The following ZDHHC20 variants were observed in gnomAD, a reference collection of about 807,000 sequenced individuals.
The protein encoded by ZDHHC20 is zDHHC palmitoyltransferase 20.
A neutral mutation model predicts 57.8 loss-of-function variants in ZDHHC20; 43 were observed. That is an observed-to-expected ratio of 0.74 (90% CI 0.58 to 0.96). The LOEUF is 0.96. ZDHHC20 is among the 40% of genes least tolerant of loss of function. The probability of loss-of-function intolerance (pLI) is 0.00; values close to 1 mark genes in which losing one functional copy is unlikely to be tolerated. For missense variants in ZDHHC20, 391 were observed against 441.1 expected, an observed-to-expected ratio of 0.89 and a Z score of 1.02; for synonymous variants, 157 against 153.0, an observed-to-expected ratio of 1.03 and a Z score of -0.19.
chr13:21,458,457 T>C (rs1037809865), intron 1 of ZDHHC20, among the ~76,000 whole-genome samples: 2 of 152,056 alleles, frequency 1.3e-5, no homozygotes, highest in African/African-American at 4.8e-5. Context: ...AGAGTAGAAA[T>C]AAACGAATTT....
At chr13:21,379,941 G>A (rs1427493376) in intron 11 of ZDHHC20, among the ~76,000 whole-genome samples, 2 of 149,954 alleles carry the variant, frequency 1.3e-5, no homozygotes, top group East Asian at 2.0e-4. Context: ...TCAGCCTCCC[G>A]AGTAGCTGGG....
intron 5 of ZDHHC20, among the ~76,000 whole-genome samples, 155 bp downstream of exon 5, chr13:21,402,642 C>T (rs1328911260): frequency 6.6e-6 from 1 of 152,136 alleles, no homozygotes; most frequent in African/African-American, 2.4e-5. Flanking sequence ...CAGCTTTTAT[C>T]AATATTTTTG....
At position 21,421,097 on chromosome 13, in the gene ZDHHC20, C is replaced by A; in HGVS notation, c.213G>T (p.Met71Ile). ...GGGAAGCGGGAGATGTGAAAATTGT[C>A]ATCCAATAGGACCATACAAACATAA... ...FFVMFVWSYW[M>I]TIFTSPASPS... The change falls in exon 3 of 13, where the codon ATG becomes ATT. Residue 71 changes from methionine (M) to isoleucine (I), a missense_variant. By Grantham distance (10) the Met-to-Ile change is conservative. Coordinates refer to ENST00000400590, the MANE Select transcript of ZDHHC20 (RefSeq NM_001330059.2). 2 of 1,613,134 alleles carry A rather than the reference C, an allele frequency of 1.2e-6. No individual in the cohort carries two copies. Among genetic ancestry groups the A allele is most frequent in the South Asian group, 2.2e-5 (2 of 91,012 alleles).
At position 21,459,050 on chromosome 13, in the gene ZDHHC20, TCA is replaced by T; in HGVS notation, c.118+2_118+3del. The T allele has an allele frequency of 6.3e-7, 1 of 1,590,472 alleles. No homozygotes were observed. ...CCGCCGCAGTCCCCGGGGACGGTAC[TCA>T]CACACGCAGAGCTCCACCACGTACG... On this transcript the variant is annotated splice_donor_variant and splice_donor_region_variant and intron_variant, in intron 1 of 12. Transcript: ENST00000400590. LOFTEE classifies it high-confidence loss of function.
chr13:21,376,521 G>C lies in ZDHHC20; in HGVS notation c.*175C>G. ...CATTCTGCTCTGGAGTAGTGCTTCTGTGAATCCCAGGAACTGTACAAAGGC... is the reference window on the plus strand; with the variant it reads ...CATTCTGCTCTGGAGTAGTGCTTCTCTGAATCCCAGGAACTGTACAAAGGC... On this transcript the variant is annotated 3_prime_UTR_variant, in exon 13 of 13. Transcript: ENST00000400590. 1.7e-6 allele frequency: 1 copy of C among 598,036 alleles called. No individual in the cohort carries two copies. The highest frequency in any genetic ancestry group is 2.6e-6 in the Non-Finnish European group (1 of 378,874). 37.0% of individuals were successfully genotyped at this position (598,036 alleles called of 1,614,324 possible).
At chr13:21,398,132 G>C (rs1343552524) in intron 7 of ZDHHC20, among the ~76,000 whole-genome samples, 1 of 152,004 alleles carries the variant, frequency 6.6e-6, no homozygotes, top group Non-Finnish European at 1.5e-5. Context: ...AATATTTACT[G>C]AACACCTACT....
chr13:21,375,275 C>T lies in ZDHHC20; in HGVS notation c.*1421G>A. ...CCATTTTACAGACAGGAAGCTCCAA[C>T]CTGTAGTACTCACAGATGCTGCTGA... is the stretch of plus-strand genomic sequence containing the variant. On this transcript the variant is annotated 3_prime_UTR_variant, in exon 13 of 13. Coordinates refer to ENST00000400590, the MANE Select transcript of ZDHHC20 (RefSeq NM_001330059.2). The T allele has an allele frequency of 2.4e-6, 1 of 422,188 alleles. No homozygotes were observed. The highest frequency in any genetic ancestry group is 4.7e-6 in the Non-Finnish European group (1 of 212,726). 26.2% of individuals were successfully genotyped at this position (422,188 alleles called of 1,614,324 possible). A position where few individuals can be genotyped will look rare whatever the true frequency, so the allele number is the denominator to read the frequency against.
chr13:21,442,402 T>C (rs1370199688), intron 1 of ZDHHC20, among the ~76,000 whole-genome samples: 1 of 152,220 alleles, frequency 6.6e-6, no homozygotes, highest in African/African-American at 2.4e-5. Flanking sequence ...CTTTCCTGAG[T>C]TTGAACAGCT....
chr13:21,386,171 T>C (rs1874441277), intron 9 of ZDHHC20, among the ~76,000 whole-genome samples: 1 of 152,170 alleles, frequency 6.6e-6, no homozygotes, highest in Non-Finnish European at 1.5e-5. Context: ...CAATAGGATC[T>C]ATACAAAATG....
chr13:21,381,364 T>C, intron 11 of ZDHHC20, 70 bp downstream of exon 11: 1 of 1,179,966 alleles, frequency 8.5e-7, no homozygotes, highest in South Asian at 1.4e-5. Flanking sequence ...TTTTGATTTT[T>C]CCACATGTAT....
chr13:21,384,589 A>C (rs539776825), intron 9 of ZDHHC20, among the ~76,000 whole-genome samples: 1 of 152,140 alleles, frequency 6.6e-6, no homozygotes, highest in East Asian at 1.9e-4. Flanking sequence ...TCTTTTGATA[A>C]ATACTAAGCT....
rs1354500712 is a variant in ZDHHC20, at chr13:21,414,508, A to C, written c.250-736T>G. Among the ~76,000 whole-genome samples the C allele has an allele frequency of 6.5e-4, 89 of 137,842 alleles. No homozygotes were observed. In the East Asian group the frequency reaches 6.6e-3, roughly 10 times the overall value. The allele number at this position is 137,842 out of a possible 152,430, so 90.4% of individuals were successfully genotyped here. A position where few individuals can be genotyped will look rare whatever the true frequency, so the allele number is the denominator to read the frequency against. On this transcript the variant is annotated intron_variant, in intron 3 of 12. Transcript: ENST00000400590. ...CCCGAGTAGCTGGGACTACAGGCGCACGCCACTATGCCCGGATAATTTTTT... is the reference window on the plus strand; with the variant it reads ...CCCGAGTAGCTGGGACTACAGGCGCCCGCCACTATGCCCGGATAATTTTTT...
chr13:21,434,044 A>G (rs1882284088), intron 1 of ZDHHC20, among the ~76,000 whole-genome samples: 1 of 151,970 alleles, frequency 6.6e-6, no homozygotes. Flanking sequence ...TTTCTACATA[A>G]ATGACTAGTC....
At position 21,382,981 on chromosome 13, in the gene ZDHHC20, G is replaced by T; in HGVS notation, c.883C>A (p.Arg295Ser). The T allele has an allele frequency of 6.4e-7, 1 of 1,562,620 alleles. No homozygotes were observed. The highest frequency in any genetic ancestry group is 1.2e-5 in the South Asian group (1 of 84,620). The change falls in exon 10 of 13, where the codon CGC becomes AGC. Residue 295 changes from arginine (R) to serine (S), a missense_variant. Physicochemically the swap from Arg to Ser is moderately radical, Grantham distance 110. Around this residue, in one of 3 missense-constraint regions of ZDHHC20, gnomAD observed 197 missense variants for 220.8 expected, o/e 0.89. Coordinates refer to ENST00000400590, the MANE Select transcript of ZDHHC20 (RefSeq NM_001330059.2). ...TGTTCTGGATCCATCCCCACAAGGCGAGTTGGAAAACTGCAACCATCACCC... is the reference window on the plus strand; with the variant it reads ...TGTTCTGGATCCATCCCCACAAGGCTAGTTGGAAAACTGCAACCATCACCC... ...SLGDGCSFPTRLVGMDPEQAS... is the reference protein window; with the variant it reads ...SLGDGCSFPTSLVGMDPEQAS...
chr13:21,395,991 C>T (rs1239676352), intron 7 of ZDHHC20, among the ~76,000 whole-genome samples: 3 of 152,120 alleles, frequency 2.0e-5, no homozygotes, highest in Non-Finnish European at 4.4e-5. Flanking sequence ...CTGCCTTTTA[C>T]ACTCCAGAAG....
chr13:21,380,553 G>C (rs191782283), intron 11 of ZDHHC20, among the ~76,000 whole-genome samples: 18 of 151,876 alleles, frequency 1.2e-4, no homozygotes, highest in Non-Finnish European at 1.9e-4. Flanking sequence ...CAGCACTTTG[G>C]GGGGCTGAGG....
At chr13:21,394,345 A>C (rs982930458) in intron 7 of ZDHHC20, among the ~76,000 whole-genome samples, 4 of 152,082 alleles carry the variant, frequency 2.6e-5, no homozygotes, top group African/African-American at 9.7e-5. Flanking sequence ...CTACCTTCTA[A>C]ATAAGGTCTA....
At chr13:21,418,770 G>C (rs1253063362) in intron 3 of ZDHHC20, among the ~76,000 whole-genome samples, 1 of 152,062 alleles carries the variant, frequency 6.6e-6, no homozygotes, top group Non-Finnish European at 1.5e-5. Flanking sequence ...ACCTTCATGG[G>C]CTCAGTGATC....
At chr13:21,415,116 C>T (rs542275408) in intron 3 of ZDHHC20, among the ~76,000 whole-genome samples, 2 of 152,198 alleles carry the variant, frequency 1.3e-5, no homozygotes, top group South Asian at 2.1e-4. Context: ...CTTAACAACA[C>T]GGTATTCTGC....
Sources: gnomAD v4.1 joint callset for allele counts (sites outside exome capture counted in the v4.1 genomes callset) on GRCh38, gnomAD v4.1.1 for gene constraint, gnomAD v4.1.1 regional missense constraint, MANE v1.5 for transcripts, NCBI Gene and HGNC (gene_info 2026-07-23, HGNC 2026-07-21) for gene names.